The following SAMD4A variants were observed in gnomAD, a reference collection of about 807,000 sequenced individuals.
SAMD4A encodes sterile alpha motif domain containing 4A, also known as protein Smaug homolog 1.
SAMD4A carries 33 observed loss-of-function variants against 81.3 expected under a neutral mutation model. The observed-to-expected ratio is 0.41, with a 90% CI of 0.31 to 0.54. The LOEUF is 0.54. SAMD4A is among the 20% of genes least tolerant of loss of function. The pLI is 0.37. For synonymous variants in SAMD4A, 389 were observed against 382.1 expected (o/e 1.02, Z -0.21); for missense variants, 854 against 951.1 (o/e 0.90, Z 1.34).
At chr14:54,656,900 C>G (rs1441473798) in intron 2 of SAMD4A, among the ~76,000 whole-genome samples, 1 of 152,114 alleles carries the variant, frequency 6.6e-6, no homozygotes, top group African/African-American at 2.4e-5. Flanking sequence ...AGCCATGAAA[C>G]AAGCTTTTTA....
At chr14:54,698,914 T>C (rs2036640645) in intron 2 of SAMD4A, among the ~76,000 whole-genome samples, 1 of 152,050 alleles carries the variant, frequency 6.6e-6, no homozygotes, top group Non-Finnish European at 1.5e-5. Flanking sequence ...ATTTATGTTT[T>C]GTTTTTGTTG....
chr14:54,782,494 G>A (rs73276810), intron 11 of SAMD4A, among the ~76,000 whole-genome samples: 3,840 of 152,148 alleles, frequency 0.025, 150 homozygotes, highest in African/African-American at 0.087. Flanking sequence ...TAATTGCCCC[G>A]ACCCTACTCT....
chr14:54,666,612 G>T, intron 2 of SAMD4A, among the ~76,000 whole-genome samples: 1 of 152,096 alleles, frequency 6.6e-6, no homozygotes, highest in East Asian at 1.9e-4. Context: ...CCATTCTCCT[G>T]CTAACCAATT....
chr14:54,718,310 T>G (rs1437499283), intron 3 of SAMD4A, among the ~76,000 whole-genome samples: 1 of 152,210 alleles, frequency 6.6e-6, no homozygotes, highest in African/African-American at 2.4e-5. Context: ...AAGGAAAGAT[T>G]TCATGTTTAC....
At chr14:54,662,545 G>T (rs1466935270) in intron 2 of SAMD4A, among the ~76,000 whole-genome samples, 2 of 151,928 alleles carry the variant, frequency 1.3e-5, no homozygotes, top group Non-Finnish European at 1.5e-5. Context: ...AAGTAACTGG[G>T]ACTACAGGTG....
chr14:54,683,768 A>G (rs763481634), intron 2 of SAMD4A, among the ~76,000 whole-genome samples: 4 of 152,150 alleles, frequency 2.6e-5, no homozygotes, highest in African/African-American at 4.8e-5. Flanking sequence ...GAAAGTCTAA[A>G]TTGCTCTACA....
At chr14:54,623,495 A>C (rs2034669505) in intron 2 of SAMD4A, among the ~76,000 whole-genome samples, 1 of 144,472 alleles carries the variant, frequency 6.9e-6, no homozygotes, top group Admixed American at 6.8e-5. Flanking sequence ...AAAAAAAAAA[A>C]AAAAAAAAAA....
In SAMD4A at chr14:54,663,817, C is replaced by T. The variant is rs946375403; in HGVS notation, c.197-38245C>T. Reference sequence around the variant, plus strand: ...GTTCTCTCTCTTCCCTGTGAATGAGCGCACCAACCTCTATCTATGGCAGTC... The same window carrying T: ...GTTCTCTCTCTTCCCTGTGAATGAGTGCACCAACCTCTATCTATGGCAGTC... On this transcript the variant is annotated intron_variant, in intron 2 of 12. Coordinates refer to ENST00000554335, the MANE Select transcript of SAMD4A (RefSeq NM_015589.6). Among the ~76,000 whole-genome samples the T allele has an allele frequency of 5.3e-5, 8 of 152,328 alleles. No homozygotes were observed. In the South Asian group the frequency reaches 6.2e-4, roughly 12 times the overall value.
chr14:54,609,596 A>T (rs754279988), intron 2 of SAMD4A, among the ~76,000 whole-genome samples: 2 of 152,222 alleles, frequency 1.3e-5, no homozygotes, highest in Non-Finnish European at 2.9e-5. Flanking sequence ...GCTTTAATGG[A>T]GGGCTAATTT....
intron 2 of SAMD4A, among the ~76,000 whole-genome samples, chr14:54,683,996 C>A (rs2036191752): frequency 6.6e-6 from 1 of 152,250 alleles, no homozygotes; most frequent in African/African-American, 2.4e-5. Context: ...AATAGAAAAT[C>A]AGGAGTCAAG....
intron 9 of SAMD4A, among the ~76,000 whole-genome samples, chr14:54,772,375 T>G (rs2038728344): frequency 6.6e-6 from 1 of 152,226 alleles, no homozygotes; most frequent in Non-Finnish European, 1.5e-5. Flanking sequence ...AAGCATTCAC[T>G]CTGGTTGCCA....
In SAMD4A at chr14:54,760,467, G is replaced by A. The variant is rs751445196; in HGVS notation, c.1483G>A (p.Gly495Arg). 15 of 1,418,902 alleles carry A rather than the reference G, an allele frequency of 1.1e-5. No individual in the cohort carries two copies. Among genetic ancestry groups the A allele is most frequent in the Admixed American group, 3.2e-5 (1 of 30,962 alleles). 87.9% of individuals were successfully genotyped at this position (1,418,902 alleles called of 1,614,324 possible). A position where few individuals can be genotyped will look rare whatever the true frequency, so the allele number is the denominator to read the frequency against. Reference sequence around the variant, plus strand: ...CCCCCTGCCAGAGGGGGACCTCCCCGGGCAGTTCACACGCGTCATGGGGAA... The same window carrying A: ...CCCCCTGCCAGAGGGGGACCTCCCCAGGCAGTTCACACGCGTCATGGGGAA... ...VAPLPEGDLP[G>R]QFTRVMGKVC... Residue 495 changes from glycine (G) to arginine (R), a missense_variant, in exon 7 of 13, where the codon GGG becomes AGG. By Grantham distance (125) the Gly-to-Arg change is moderately radical. This residue lies in a region of SAMD4A where 428 missense variants were observed against 471.2 expected (regional missense o/e 0.91). Transcript: ENST00000554335.
chr14:54,599,729 T>C (rs1026656886), intron 2 of SAMD4A, among the ~76,000 whole-genome samples: 6 of 152,220 alleles, frequency 3.9e-5, no homozygotes, highest in African/African-American at 1.4e-4. Context: ...TATAAAGTAC[T>C]TTGTAAACTA....
chr14:54,649,841 G>A (rs2035365924), intron 2 of SAMD4A, among the ~76,000 whole-genome samples: 1 of 152,068 alleles, frequency 6.6e-6, no homozygotes, highest in South Asian at 2.1e-4. Context: ...TCATTTGCCT[G>A]CTTTTATAAA....
chr14:54,595,081 G>A (rs749878811), intron 2 of SAMD4A, among the ~76,000 whole-genome samples: 1 of 152,132 alleles, frequency 6.6e-6, no homozygotes, highest in Non-Finnish European at 1.5e-5. Context: ...ACTTGCCCCT[G>A]TCGTTCTTTG....
chr14:54,655,529 C>T (rs551705371), intron 2 of SAMD4A, among the ~76,000 whole-genome samples: 310 of 151,654 alleles, frequency 2.0e-3, no homozygotes, highest in African/African-American at 7.0e-3. Context: ...GTCGGGAGTT[C>T]GAGACCAGCC....
At chr14:54,619,523 C>G (rs975332323) in intron 2 of SAMD4A, among the ~76,000 whole-genome samples, 2 of 152,220 alleles carry the variant, frequency 1.3e-5, no homozygotes, top group African/African-American at 4.8e-5. Flanking sequence ...CTAGGGATAA[C>G]CTTTTTTGTT....
intron 12 of SAMD4A, among the ~76,000 whole-genome samples, chr14:54,785,421 G>A (rs1354047117): frequency 2.0e-5 from 3 of 152,262 alleles, no homozygotes; most frequent in Non-Finnish European, 4.4e-5. Flanking sequence ...TTGGCAGGCA[G>A]AGGAGAGAAG....
chr14:54,736,490 C>T (rs2037695501), intron 3 of SAMD4A, among the ~76,000 whole-genome samples: 2 of 152,192 alleles, frequency 1.3e-5, no homozygotes. Context: ...GGCCATAGTT[C>T]CCTGAATCCT....
Sources: gnomAD v4.1 joint callset for allele counts (sites outside exome capture counted in the v4.1 genomes callset) on GRCh38, gnomAD v4.1.1 for gene constraint, gnomAD v4.1.1 regional missense constraint, MANE v1.5 for transcripts, NCBI Gene and HGNC (gene_info 2026-07-23, HGNC 2026-07-21) for gene names.